The following ROBO2 variants were observed in gnomAD, a reference collection of about 807,000 sequenced individuals.
ROBO2 encodes roundabout homolog 2.
Under a neutral mutation model 160.8 loss-of-function variants are expected in ROBO2, and 53 were observed. The observed-to-expected ratio is 0.33, with a 90% confidence interval of 0.26 to 0.41. ROBO2 has a LOEUF of 0.41. ROBO2 is among the 10% of genes least tolerant of loss of function. The pLI, the probability that ROBO2 is intolerant of heterozygous loss-of-function variation, is 1.00. For missense variants in ROBO2, 1,577 were observed against 1,722.4 expected, an observed-to-expected ratio of 0.92 and a Z score of 1.49; for synonymous variants, 664 against 611.7, an observed-to-expected ratio of 1.09 and a Z score of -1.26.
At chr3:77,644,941 C>A in intron 25 of ROBO2, 37 bp downstream of exon 27, 1 of 1,592,676 alleles carries the variant, frequency 6.3e-7, no homozygotes, top group Non-Finnish European at 8.6e-7. Context: ...TATCGTGATT[C>A]AGAAAGAATC....
intron 2 of ROBO2, among the ~76,000 whole-genome samples, chr3:76,773,760 A>ATT (rs1367992271): frequency 2.0e-5 from 3 of 150,670 alleles, no homozygotes; most frequent in Non-Finnish European, 4.5e-5. Context: ...GGACCCTCTG[A>ATT]TTAGATAGAG....
chr3:76,585,547 C>T (rs1319022900), intron 2 of ROBO2, among the ~76,000 whole-genome samples: 3 of 152,128 alleles, frequency 2.0e-5, no homozygotes, highest in Non-Finnish European at 2.9e-5. Context: ...AGAAAGATCC[C>T]AAATGATGCC....
intron 2 of ROBO2, among the ~76,000 whole-genome samples, chr3:76,327,303 T>G (rs2073109878): frequency 6.6e-6 from 1 of 152,084 alleles, no homozygotes; most frequent in African/African-American, 2.4e-5. Flanking sequence ...TATACCTAAA[T>G]TGGTAATATT....
chr3:77,260,829 G>A (rs4683990), intron 2 of ROBO2, among the ~76,000 whole-genome samples: 1 of 152,006 alleles, frequency 6.6e-6, no homozygotes, highest in Non-Finnish European at 1.5e-5. Flanking sequence ...TTGCTTTCAC[G>A]GCCCCGACAC....
intron 2 of ROBO2, among the ~76,000 whole-genome samples, chr3:76,202,452 G>A: frequency 6.6e-6 from 1 of 152,172 alleles, no homozygotes; most frequent in South Asian, 2.1e-4. Flanking sequence ...CATGTACCTT[G>A]TAGACAGAAC....
chr3:76,683,123 A>T (rs1296149238), intron 2 of ROBO2, among the ~76,000 whole-genome samples: 2 of 152,164 alleles, frequency 1.3e-5, no homozygotes, highest in African/African-American at 2.4e-5. Flanking sequence ...TTTTACAAGG[A>T]AAAGGAGCAA....
intron 2 of ROBO2, among the ~76,000 whole-genome samples, chr3:76,668,690 GT>G (rs796612965): frequency 5.9e-4 from 89 of 151,834 alleles, no homozygotes; most frequent in African/African-American, 1.9e-3. Flanking sequence ...ATTAGGATGT[GT>G]TTTGCCTGTT....
At chr3:77,238,770 C>T (rs780525325) in intron 2 of ROBO2, among the ~76,000 whole-genome samples, 50 of 152,062 alleles carry the variant, frequency 3.3e-4, no homozygotes, top group Non-Finnish European at 1.0e-4. Context: ...CCACCTTGGT[C>T]CTCTACATAT....
chr3:76,521,673 A>G (rs1475678943), intron 2 of ROBO2, among the ~76,000 whole-genome samples: 2 of 152,236 alleles, frequency 1.3e-5, no homozygotes, highest in Non-Finnish European at 2.9e-5. Context: ...GAGAACCACC[A>G]TATTCATTGC....
At chr3:76,669,390 T>G (rs2092176658) in intron 2 of ROBO2, among the ~76,000 whole-genome samples, 1 of 152,122 alleles carries the variant, frequency 6.6e-6, no homozygotes, top group South Asian at 2.1e-4. Context: ...TAGTCTCCAT[T>G]TTGGCAAAGA....
chr3:76,887,455 A>T (rs930980443), intron 2 of ROBO2, among the ~76,000 whole-genome samples: 11 of 151,972 alleles, frequency 7.2e-5, no homozygotes, highest in Non-Finnish European at 2.9e-5. Context: ...GAGGATCATT[A>T]ACTGAGTCGT....
intron 2 of ROBO2, among the ~76,000 whole-genome samples, chr3:77,438,523 A>G (rs991176764): frequency 9.3e-5 from 14 of 151,202 alleles, no homozygotes; most frequent in Non-Finnish European, 1.5e-4. Context: ...AAGAGTGTGT[A>G]TTGAAGAGAA....
At chr3:76,737,449 T>A (rs1353846782) in intron 2 of ROBO2, among the ~76,000 whole-genome samples, 1 of 152,138 alleles carries the variant, frequency 6.6e-6, no homozygotes, top group African/African-American at 2.4e-5. Flanking sequence ...ACAAACAATA[T>A]GCAAACAAAT....
intron 2 of ROBO2, among the ~76,000 whole-genome samples, chr3:75,938,395 T>C (rs555336355): frequency 6.6e-6 from 1 of 152,206 alleles, no homozygotes; most frequent in East Asian, 1.9e-4. Flanking sequence ...CCTGCTCAGA[T>C]ACAAATTGCA....
chr3:76,632,322 G>C (rs549197666), intron 2 of ROBO2, among the ~76,000 whole-genome samples: 2 of 152,278 alleles, frequency 1.3e-5, no homozygotes, highest in East Asian at 3.9e-4. Context: ...TCGTTCCTTT[G>C]TCACAGCTGA....
chr3:77,162,197 G>GA (rs1202271659), intron 2 of ROBO2, among the ~76,000 whole-genome samples: 5 of 151,578 alleles, frequency 3.3e-5, no homozygotes, highest in Admixed American at 2.6e-4. Context: ...CAGCTCAGGA[G>GA]AAAAAAATAA....
chr3:76,083,574 GC>G (rs1032754601), intron 2 of ROBO2, among the ~76,000 whole-genome samples: 8 of 152,186 alleles, frequency 5.3e-5, no homozygotes, highest in Admixed American at 4.6e-4. Flanking sequence ...AACTTACTAA[GC>G]TTTTAGATTT....
intron 2 of ROBO2, among the ~76,000 whole-genome samples, chr3:77,101,979 G>T (rs559521366): frequency 5.1e-4 from 78 of 152,322 alleles, no homozygotes; most frequent in Non-Finnish European, 9.6e-4. Flanking sequence ...GGCAGAGGTG[G>T]CAGTGAGCTG....
rs528368649 is a variant in ROBO2 at position 77,321,206 on chromosome 3, G to T, written c.389-156208G>T. ...AAATTTGGGTGGTGGGCATATTGCT[G>T]TACTTCTCTGTGTATTAGAAATATT... On this transcript the variant is annotated intron_variant, in intron 2 of 25. Coordinates refer to ENST00000461745, the Ensembl canonical transcript of ROBO2. 1.2e-4 allele frequency among the ~76,000 whole-genome samples: 19 copies of T among 152,208 alleles called. No individual in the cohort carries two copies. The South Asian group carries it at 3.5e-3, about 28-fold the overall frequency.
Sources: allele counts gnomAD v4.1 joint callset (sites outside exome capture counted in the v4.1 genomes callset), GRCh38; gene constraint gnomAD v4.1.1; transcripts MANE v1.5; gene names NCBI Gene and HGNC (gene_info 2026-07-23, HGNC 2026-07-21).